Variants in DDX59 observed in about 807,000 individuals in gnomAD.
DDX59 encodes probable ATP-dependent RNA helicase DDX59.
In DDX59, 30 loss-of-function variants were observed where a neutral mutation model predicts 51.9. The observed-to-expected ratio is 0.58, with a 90% CI of 0.43 to 0.78. The LOEUF (loss-of-function observed/expected upper bound fraction) is 0.78, where lower values mean the gene tolerates loss of function less well. Ranked by LOEUF, DDX59 falls within the 30% of genes least tolerant of loss-of-function variation. DDX59 has a pLI of 0.00. For synonymous variants in DDX59, 255 were observed against 253.3 expected, an observed-to-expected ratio of 1.01 and a Z score of -0.06; for missense variants, 672 against 730.8, an observed-to-expected ratio of 0.92 and a Z score of 0.93.
chr1:200,663,673 A>G (rs1662517851), intron 3 of DDX59, among the ~76,000 whole-genome samples: 1 of 152,172 alleles, frequency 6.6e-6, no homozygotes, highest in Non-Finnish European at 1.5e-5. Context: ...GTGATGCTTA[A>G]ATGAGATAAT....
chr1:200,663,767 T>TA (rs59213524), intron 3 of DDX59, 152 bp downstream of exon 3: 120,740 of 577,944 alleles, frequency 0.21, no homozygotes, highest in Non-Finnish European at 0.24. Flanking sequence ...TAAAACAAAC[T>TA]AAAAAAAAAA....
chr1:200,661,000 C>T (rs7529883), intron 3 of DDX59, among the ~76,000 whole-genome samples: 17,212 of 152,212 alleles, frequency 0.11, 1,438 homozygotes, highest in East Asian at 0.42. Context: ...ACGCACATAG[C>T]CCAGATCTTT....
downstream of DDX59, among the ~76,000 whole-genome samples, chr1:200,642,865 C>T (rs1041388577): frequency 6.6e-6 from 1 of 151,996 alleles, no homozygotes. Context: ...CAATGACCGA[C>T]GCAATAAAAA....
Position 200,648,296 on chromosome 1 carries a change from G to A in DDX59, c.1596+143C>T, listed in dbSNP as rs116566075. 8.6e-4 allele frequency: 947 copies of A among 1,104,788 alleles called. 10 individuals carry two copies. The African/African-American group carries it at 0.013, about 15-fold the overall frequency. The allele number at this position is 1,104,788 out of a possible 1,614,324, so 68.4% of individuals were successfully genotyped here. A position where few individuals can be genotyped will look rare whatever the true frequency, so the allele number is the denominator to read the frequency against. ...CATCCATTTCGAGTGATCTGCCCGC[G>A]ATGGCCTTCCAAAGTGCTGGGATTA... On this transcript the variant is annotated intron_variant, in intron 7 of 7. Coordinates refer to ENST00000331314, the MANE Select transcript of DDX59 (RefSeq NM_001031725.6).
At chr1:200,658,454 G>A (rs1662172021) in intron 4 of DDX59, among the ~76,000 whole-genome samples, 1 of 152,132 alleles carries the variant, frequency 6.6e-6, no homozygotes, top group Non-Finnish European at 1.5e-5. Flanking sequence ...CAGTACTTTG[G>A]GAGGCCAAGG....
At chr1:200,664,736 C>A (rs1352149465) in intron 2 of DDX59, among the ~76,000 whole-genome samples, 1 of 151,888 alleles carries the variant, frequency 6.6e-6, no homozygotes, top group African/African-American at 2.4e-5. Flanking sequence ...AGTGCAATGG[C>A]ACAATCTCGG....
intron 5 of DDX59, 123 bp from the exon 6 acceptor site, chr1:200,649,349 C>T: frequency 9.9e-7 from 1 of 1,009,636 alleles, no homozygotes; most frequent in South Asian, 1.8e-5. Flanking sequence ...AAGAAGGAGG[C>T]TGGGCGCGGT....
intron 2 of DDX59, 103 bp downstream of exon 2, chr1:200,665,834 T>A: frequency 7.8e-7 from 1 of 1,275,990 alleles, no homozygotes; most frequent in South Asian, 1.7e-5. Flanking sequence ...ATTCCAAATA[T>A]TTAGTTTTAG....
At position 200,644,395 on chromosome 1, in the gene DDX59, A is replaced by T; in HGVS notation, c.1719T>A (p.Pro573=). Reference sequence around the variant, plus strand: ...GAAGGTATGGGGAATTTAATAACTGAGGGGGAAGAATGGATCCTGTGGGCT... The same window carrying T: ...GAAGGTATGGGGAATTTAATAACTGTGGGGGAAGAATGGATCCTGTGGGCT... ...RVKPTGSILP[P]QLLNSPYLHD... is the part of the protein sequence containing the mutation. The change falls in exon 8 of 8, where the codon CCT becomes CCA. Residue 573 remains proline (P), a synonymous_variant. Transcript: ENST00000331314. 6.2e-7 allele frequency: 1 copy of T among 1,613,794 alleles called. No homozygotes were observed. The highest frequency in any genetic ancestry group is 8.5e-7 in the Non-Finnish European group (1 of 1,179,890).
At chr1:200,667,137 G>C (rs1662819778) in intron 1 of DDX59, among the ~76,000 whole-genome samples, 1 of 151,388 alleles carries the variant, frequency 6.6e-6, no homozygotes, top group African/African-American at 2.4e-5. Context: ...AGGCGTGGTG[G>C]CTCACACCTG....
chr1:200,642,891 C>G (rs1661089513), downstream of DDX59, among the ~76,000 whole-genome samples: 1 of 152,088 alleles, frequency 6.6e-6, no homozygotes, highest in Non-Finnish European at 1.5e-5. Context: ...AAAGTGAGAG[C>G]TGGCAGAACA....
chr1:200,641,217 T>TA (rs1390918550), downstream of DDX59: 2 of 1,304,858 alleles, frequency 1.5e-6, no homozygotes, highest in South Asian at 1.2e-5. Context: ...GATGCGTTGA[T>TA]ATTAATTCCA....
At chr1:200,655,919 C>T (rs908788794) in intron 4 of DDX59, among the ~76,000 whole-genome samples, 3 of 152,094 alleles carry the variant, frequency 2.0e-5, no homozygotes, top group Non-Finnish European at 4.4e-5. Context: ...CAACCTCCAC[C>T]TCCCGGGTTC....
chr1:200,644,296 C>G lies in DDX59; in HGVS notation c.1818G>C (p.Met606Ile). The change falls in exon 8 of 8, where the codon ATG becomes ATC. Residue 606 changes from methionine to isoleucine, a missense_variant. Coordinates refer to ENST00000331314, the MANE Select transcript of DDX59 (RefSeq NM_001031725.6). ...TTTTATCATGTTTTCTGATAATATC[C>G]ATAAGATTAGCTCCTGTAACCAGAT... is the stretch of plus-strand genomic sequence containing the variant. ...QNDLVTGANL[M>I]DIIRKHDKSN... 1 of 1,590,462 alleles carries G rather than the reference C, an allele frequency of 6.3e-7. No individual in the cohort carries two copies.
At chr1:200,657,477 C>T (rs1662100957) in intron 4 of DDX59, among the ~76,000 whole-genome samples, 3 of 151,936 alleles carry the variant, frequency 2.0e-5, no homozygotes, top group Admixed American at 2.0e-4. Flanking sequence ...TGGGCGGGTG[C>T]AGTGGCTCAC....
chr1:200,642,756 T>G (rs1016043609), downstream of DDX59, among the ~76,000 whole-genome samples: 1 of 152,214 alleles, frequency 6.6e-6, no homozygotes, highest in African/African-American at 2.4e-5. Flanking sequence ...GCAACTGCGC[T>G]TAACTCTCAT....
intron 4 of DDX59, among the ~76,000 whole-genome samples, chr1:200,651,006 C>A (rs988070275): frequency 2.6e-5 from 4 of 151,544 alleles, no homozygotes; most frequent in African/African-American, 9.7e-5. Flanking sequence ...ATCAGAAAGC[C>A]CTTTATTAAA....
chr1:200,665,984 T>C lies in DDX59; in HGVS notation c.757A>G (p.Lys253Glu). The C allele has an allele frequency of 6.2e-7, 1 of 1,612,662 alleles. No homozygotes were observed. Among genetic ancestry groups the C allele is most frequent in the Non-Finnish European group, 8.5e-7 (1 of 1,179,528 alleles). Residue 253 changes from lysine (K) to glutamate (E), a missense_variant, in exon 2 of 8, where the codon AAA becomes GAA. Physicochemically the swap from Lys to Glu is moderately conservative, Grantham distance 56 (BLOSUM62 1). Coordinates refer to ENST00000331314, the MANE Select transcript of DDX59 (RefSeq NM_001031725.6). ...ACAGGAAGAAGAAAAGCAGCTGTTT[T>C]TCCTGAGCCAGTATCTGCACTGGCC... ...ILASADTGSG[K>E]TAAFLLPVIM...
At position 200,666,630 on chromosome 1, in the gene DDX59, GC is replaced by G; in HGVS notation, c.110del (p.Ser37ThrfsTer9). The G allele has an allele frequency of 1.2e-6, 2 of 1,614,172 alleles. No homozygotes were observed. Among genetic ancestry groups the G allele is most frequent in the Non-Finnish European group, 1.7e-6 (2 of 1,180,032 alleles). ...CTACAGCATCAACGGGAACATCTCT[GC>G]TTTTGTCCAACTGAAGGTCTTCTGG... ...PDPEDLQLDK[S>X]RDVPVDAVAT... On this transcript the variant is annotated frameshift_variant, in exon 2 of 8. Coordinates refer to ENST00000331314, the MANE Select transcript of DDX59 (RefSeq NM_001031725.6). LOFTEE classifies it high-confidence loss of function.
Sources: gnomAD v4.1 joint callset for allele counts (sites outside exome capture counted in the v4.1 genomes callset) on GRCh38, gnomAD v4.1.1 for gene constraint, MANE v1.5 for transcripts, NCBI Gene and HGNC (gene_info 2026-07-23, HGNC 2026-07-21) for gene names.